SEZ6L: variants seen among roughly 807,000 people sequenced by gnomAD.
SEZ6L encodes the protein seizure 6-like protein.
In SEZ6L, 37 loss-of-function variants were observed where a neutral mutation model predicts 106.2. The ratio of observed to expected loss-of-function variants is 0.35; its 90% CI spans 0.27 to 0.46. The LOEUF (loss-of-function observed/expected upper bound fraction) is 0.46. Among genes scored for constraint, SEZ6L ranks in the 20% least tolerant of loss-of-function variants. The pLI is 1.00. For synonymous variants in SEZ6L, 541 were observed against 570.4 expected, an observed-to-expected ratio of 0.95 and a Z score of 0.73; for missense variants, 1,172 against 1,332.8, an observed-to-expected ratio of 0.88 and a Z score of 1.88.
At chr22:26,317,452 G>T (rs2082037224) in intron 9 of SEZ6L, among the ~76,000 whole-genome samples, 1 of 151,598 alleles carries the variant, frequency 6.6e-6, no homozygotes. Flanking sequence ...CTCACAGGGA[G>T]CCTCCCAGAT....
At chr22:26,306,827 G>A (rs2081647230) in intron 6 of SEZ6L, among the ~76,000 whole-genome samples, 1 of 152,098 alleles carries the variant, frequency 6.6e-6, no homozygotes, top group African/African-American at 2.4e-5. Context: ...GAATATTATG[G>A]GGTCTTGTTC....
intron 6 of SEZ6L, among the ~76,000 whole-genome samples, chr22:26,309,155 T>C (rs574574429): frequency 6.6e-6 from 1 of 152,366 alleles, no homozygotes; most frequent in East Asian, 1.9e-4. Flanking sequence ...AATGTGTGTT[T>C]ATGACTCCAT....
chr22:26,288,232 C>T (rs1044236201), intron 1 of SEZ6L, among the ~76,000 whole-genome samples: 1 of 152,306 alleles, frequency 6.6e-6, no homozygotes, highest in East Asian at 1.9e-4. Flanking sequence ...ACTTGGAAGA[C>T]AAAACAGATG....
chr22:26,286,088 G>A (rs763177208), intron 1 of SEZ6L, among the ~76,000 whole-genome samples: 1 of 152,194 alleles, frequency 6.6e-6, no homozygotes, highest in Admixed American at 6.5e-5. Context: ...GTATTAATGA[G>A]GATTAGAATA....
At chr22:26,348,703 A>AAAGAAAGAAAGAAAGAAAGG (rs1207033331) in intron 11 of SEZ6L, among the ~76,000 whole-genome samples, 18 of 41,480 alleles carry the variant, frequency 4.3e-4, no homozygotes, top group African/African-American at 2.0e-3. Context: ...AGAAAGAAAG[A>AAAGAAAGAAAGAAAGAAAGG]AGGCAAGGGA....
At chr22:26,280,236 A>G (rs746019466) in intron 1 of SEZ6L, among the ~76,000 whole-genome samples, 3 of 151,096 alleles carry the variant, frequency 2.0e-5, no homozygotes, top group Non-Finnish European at 4.4e-5. Flanking sequence ...TTGAATAAGT[A>G]AGTCTCCCTA....
chr22:26,262,283 T>TCTATCTAC (rs1280273811), intron 1 of SEZ6L, among the ~76,000 whole-genome samples: 2 of 151,244 alleles, frequency 1.3e-5, no homozygotes, highest in Non-Finnish European at 2.9e-5. Flanking sequence ...TATCTATCTA[T>TCTATCTAC]CTCTTTTAAA....
At chr22:26,213,546 G>A (rs1294616317) in intron 1 of SEZ6L, among the ~76,000 whole-genome samples, 1 of 152,120 alleles carries the variant, frequency 6.6e-6, no homozygotes, top group Non-Finnish European at 1.5e-5. Context: ...ACTAACCCGG[G>A]GCTATCCCTG....
At chr22:26,234,811 A>G (rs2078909102) in intron 1 of SEZ6L, among the ~76,000 whole-genome samples, 1 of 152,254 alleles carries the variant, frequency 6.6e-6, no homozygotes, top group Admixed American at 6.5e-5. Flanking sequence ...TATACAAATA[A>G]TTACAGGAAA....
intron 1 of SEZ6L, among the ~76,000 whole-genome samples, chr22:26,268,900 C>T (rs186969054): frequency 2.6e-5 from 4 of 152,252 alleles, no homozygotes; most frequent in Admixed American, 2.6e-4. Flanking sequence ...ATAAATACTG[C>T]CTGGTTTATT....
chr22:26,304,381 A>AAAGAAAGAAAGAAAG (rs2081559516), intron 5 of SEZ6L, among the ~76,000 whole-genome samples: 1 of 97,894 alleles, frequency 1.0e-5, no homozygotes, highest in African/African-American at 4.3e-5. Flanking sequence ...AGAAAGAAAG[A>AAAGAAAGAAAGAAAG]AAGAAAGAAA....
At chr22:26,344,868 G>A (rs527591584) in intron 10 of SEZ6L, among the ~76,000 whole-genome samples, 146 of 152,296 alleles carry the variant, frequency 9.6e-4, no homozygotes, top group Middle Eastern at 3.4e-3. Context: ...GAGGCTTAGA[G>A]CAGTTAATTG....
chr22:26,317,815 G>A (rs556902215), intron 9 of SEZ6L, among the ~76,000 whole-genome samples: 2 of 152,090 alleles, frequency 1.3e-5, no homozygotes, highest in East Asian at 3.9e-4. Context: ...CTTCCTCCCT[G>A]CCCTGATACT....
At chr22:26,207,677 G>A (rs1941342897) in intron 1 of SEZ6L, among the ~76,000 whole-genome samples, 1 of 150,268 alleles carries the variant, frequency 6.7e-6, no homozygotes. Flanking sequence ...TGGTTTTTTT[G>A]CTATACATTT....
intron 1 of SEZ6L, among the ~76,000 whole-genome samples, chr22:26,185,899 C>T (rs888329603): frequency 2.0e-5 from 3 of 152,056 alleles, no homozygotes; most frequent in African/African-American, 4.8e-5. Flanking sequence ...CTCTGTAGTA[C>T]GAATAGGGGT....
At chr22:26,308,835 G>A (rs1474529429) in intron 6 of SEZ6L, among the ~76,000 whole-genome samples, 1 of 152,196 alleles carries the variant, frequency 6.6e-6, no homozygotes, top group Non-Finnish European at 1.5e-5. Flanking sequence ...TTGAGATCTT[G>A]AAGCTTTCCT....
chr22:26,292,407 T>G lies in SEZ6L; in HGVS notation c.96T>G (p.Asp32Glu). 6.2e-7 allele frequency: 1 copy of G among 1,609,666 alleles called. No homozygotes were observed. The highest frequency in any genetic ancestry group is 8.5e-7 in the Non-Finnish European group (1 of 1,177,548). The change falls in exon 2 of 17, where the codon GAT (aspartate) becomes GAG (glutamate). Residue 32 changes from aspartate (D) to glutamate (E), a missense_variant and splice_region_variant. This residue lies in a region of SEZ6L where 494 missense variants were observed against 445.8 expected (regional missense o/e 1.11). Coordinates refer to ENST00000248933, the MANE Select transcript of SEZ6L (RefSeq NM_021115.5). Reference sequence around the variant, plus strand: ...TGGTGTCTTTTCTCCTCTTCCAAGATGCTCTTCCCGAGGGAGATGCTAGCC... The same window carrying G: ...TGGTGTCTTTTCTCCTCTTCCAAGAGGCTCTTCCCGAGGGAGATGCTAGCC... ...LGSPAAALERDALPEGDASPL... is the reference protein window; with the variant it reads ...LGSPAAALEREALPEGDASPL...
chr22:26,246,471 G>C (rs1414231362), intron 1 of SEZ6L, among the ~76,000 whole-genome samples: 1 of 151,954 alleles, frequency 6.6e-6, no homozygotes, highest in Non-Finnish European at 1.5e-5. Flanking sequence ...TAGAGAGGAA[G>C]GTAGAAGCCA....
At chr22:26,185,637 A>G (rs984753267) in intron 1 of SEZ6L, among the ~76,000 whole-genome samples, 1 of 152,180 alleles carries the variant, frequency 6.6e-6, no homozygotes. Context: ...CCCCCAAGCC[A>G]TGACCTTTTA....
Sources: gnomAD v4.1 joint callset for allele counts (sites outside exome capture counted in the v4.1 genomes callset) on GRCh38, gnomAD v4.1.1 for gene constraint, gnomAD v4.1.1 regional missense constraint, MANE v1.5 for transcripts, NCBI Gene and HGNC (gene_info 2026-07-23, HGNC 2026-07-21) for gene names.